The following PCDH15 variants were observed in gnomAD, a reference collection of about 807,000 sequenced individuals.
PCDH15 encodes the protein protocadherin-15.
A neutral mutation model predicts 178.5 loss-of-function variants in PCDH15; 129 were observed. The ratio of observed to expected loss-of-function variants is 0.72; its 90% CI spans 0.63 to 0.84. PCDH15 has a LOEUF of 0.84. Ranked by LOEUF, PCDH15 falls within the 40% of genes least tolerant of loss-of-function variation. The pLI, the probability that PCDH15 is intolerant of heterozygous loss-of-function variation, is 0.00. For missense variants in PCDH15, 2,230 were observed against 2,099.9 expected (o/e 1.06, Z -1.21); for synonymous variants, 800 against 732.0 (o/e 1.09, Z -1.50).
At chr10:55,384,918 A>C (rs1180766863) in intron 2 of PCDH15, among the ~76,000 whole-genome samples, 1 of 152,098 alleles carries the variant, frequency 6.6e-6, no homozygotes, top group Non-Finnish European at 1.5e-5. Flanking sequence ...GACAAAAATA[A>C]ACTCACATTA....
intron 5 of PCDH15, among the ~76,000 whole-genome samples, chr10:54,357,051 A>G (rs1161404215): frequency 6.6e-6 from 1 of 152,172 alleles, no homozygotes; most frequent in Non-Finnish European, 1.5e-5. Flanking sequence ...CACAGCCAAT[A>G]TCATACTGAA....
chr10:54,405,260 C>T (rs751727008), intron 3 of PCDH15, among the ~76,000 whole-genome samples: 5 of 152,048 alleles, frequency 3.3e-5, no homozygotes, highest in South Asian at 2.1e-4. Context: ...CTTAAATGCC[C>T]ATCAATGGTT....
intron 15 of PCDH15, among the ~76,000 whole-genome samples, chr10:54,096,826 C>A (rs2094708743): frequency 6.6e-6 from 1 of 152,114 alleles, no homozygotes; most frequent in Non-Finnish European, 1.5e-5. Flanking sequence ...AACATTCAGT[C>A]CATAGCAGAT....
chr10:55,605,383 C>A (rs1194432010), intron 2 of PCDH15, among the ~76,000 whole-genome samples: 1 of 151,168 alleles, frequency 6.6e-6, no homozygotes, highest in Non-Finnish European at 1.5e-5. Context: ...GGAATCCTCC[C>A]TAACTCATTT....
chr10:54,925,195 T>TA (rs1837585951), intron 2 of PCDH15, among the ~76,000 whole-genome samples: 1 of 152,060 alleles, frequency 6.6e-6, no homozygotes, highest in Admixed American at 6.6e-5. Context: ...ATTTATTAAA[T>TA]AAAAAATCCT....
intron 3 of PCDH15, among the ~76,000 whole-genome samples, chr10:54,444,870 A>G: frequency 6.6e-6 from 1 of 151,582 alleles, no homozygotes; most frequent in East Asian, 1.9e-4. Context: ...TTTTATCACA[A>G]CAATCGTCCA....
intron 23 of PCDH15, among the ~76,000 whole-genome samples, chr10:53,943,676 A>T (rs2086275279): frequency 6.6e-6 from 1 of 152,134 alleles, no homozygotes; most frequent in South Asian, 2.1e-4. Flanking sequence ...AAAAGCATTT[A>T]AAATTCTATT....
At chr10:54,370,233 C>A (rs1947451796) in intron 4 of PCDH15, among the ~76,000 whole-genome samples, 1 of 151,800 alleles carries the variant, frequency 6.6e-6, no homozygotes, top group South Asian at 2.1e-4. Flanking sequence ...GATTTTTAAC[C>A]CCTTTTGAGC....
chr10:55,335,179 T>C (rs555731134), intron 2 of PCDH15, among the ~76,000 whole-genome samples: 3 of 152,272 alleles, frequency 2.0e-5, no homozygotes, highest in African/African-American at 7.2e-5. Context: ...CTTCTTCCTT[T>C]CAACTTATAG....
At chr10:54,850,435 C>G (rs532529366) in intron 3 of PCDH15, among the ~76,000 whole-genome samples, 1 of 152,084 alleles carries the variant, frequency 6.6e-6, no homozygotes, top group East Asian at 1.9e-4. Context: ...TATCCCTCAC[C>G]CACTTCCCAA....
At chr10:54,228,538 C>A (rs530983673) in intron 9 of PCDH15, among the ~76,000 whole-genome samples, 4 of 152,256 alleles carry the variant, frequency 2.6e-5, no homozygotes, top group African/African-American at 9.6e-5. Context: ...CTACTCTCTG[C>A]AAATTAGAGA....
chr10:55,522,038 A>G (rs78798699), intron 2 of PCDH15, among the ~76,000 whole-genome samples: 2,590 of 152,038 alleles, frequency 0.017, 74 homozygotes, highest in African/African-American at 0.058. Flanking sequence ...TTGAACCATC[A>G]TAAGTCTGAC....
At chr10:55,304,231 T>G (rs2132281411) in intron 1 of PCDH15, among the ~76,000 whole-genome samples, 1 of 152,318 alleles carries the variant, frequency 6.6e-6, no homozygotes, top group East Asian at 1.9e-4. Context: ...GCTGCACTTT[T>G]CCTGGTATTT....
intron 2 of PCDH15, among the ~76,000 whole-genome samples, chr10:55,033,140 A>G (rs556299268): frequency 7.2e-4 from 109 of 152,300 alleles, no homozygotes; most frequent in African/African-American, 2.4e-3. Flanking sequence ...GGTTCTAGGC[A>G]GAGAATTTTG....
chr10:55,603,354 G>T (rs1843131486), intron 2 of PCDH15, among the ~76,000 whole-genome samples: 1 of 150,274 alleles, frequency 6.7e-6, no homozygotes, highest in Non-Finnish European at 1.5e-5. Context: ...CCCCAATCTA[G>T]CAAGGCAGGC....
At chr10:55,086,939 G>A (rs75243186) in intron 2 of PCDH15, among the ~76,000 whole-genome samples, 6,154 of 151,964 alleles carry the variant, frequency 0.04, 296 homozygotes, top group East Asian at 0.14. Context: ...ATAAAGAGAC[G>A]TTGTGTTAGC....
intron 2 of PCDH15, among the ~76,000 whole-genome samples, chr10:55,049,434 A>G (rs1210333534): frequency 6.6e-6 from 1 of 151,494 alleles, no homozygotes; most frequent in Non-Finnish European, 1.5e-5. Flanking sequence ...CAGAAAAAAA[A>G]GGAACATCTT....
chr10:55,602,073 G>A (rs1337623497), intron 2 of PCDH15, among the ~76,000 whole-genome samples: 1 of 152,120 alleles, frequency 6.6e-6, no homozygotes, highest in Non-Finnish European at 1.5e-5. Context: ...TGCCTCACTC[G>A]GGAGGCGCAA....
chr10:54,933,154 C>G (rs1837824297), intron 2 of PCDH15, among the ~76,000 whole-genome samples: 1 of 152,014 alleles, frequency 6.6e-6, no homozygotes, highest in Non-Finnish European at 1.5e-5. Context: ...ACAACATCAT[C>G]TAGGTTTGTG....
Sources: allele counts gnomAD v4.1 joint callset (sites outside exome capture counted in the v4.1 genomes callset), GRCh38; gene constraint gnomAD v4.1.1; transcripts MANE v1.5; gene names NCBI Gene and HGNC (gene_info 2026-07-23, HGNC 2026-07-21).